The following DNAJC1 variants were observed in gnomAD, a reference collection of about 807,000 sequenced individuals.
The protein encoded by DNAJC1 is DnaJ heat shock protein family (Hsp40) member C1.
DNAJC1 carries 58 observed loss-of-function variants against 76.6 expected under a neutral mutation model. The ratio of observed to expected loss-of-function variants is 0.76; its 90% CI spans 0.61 to 0.94. The LOEUF (loss-of-function observed/expected upper bound fraction) is 0.94. Ranked by LOEUF, DNAJC1 falls within the 40% of genes least tolerant of loss-of-function variation. DNAJC1 has a pLI of 0.00. For synonymous variants in DNAJC1, 258 were observed against 267.9 expected (o/e 0.96, Z 0.36); for missense variants, 689 against 677.3 (o/e 1.02, Z -0.19).
chr10:21,962,500 CTG>C (rs1324991679), intron 1 of DNAJC1, among the ~76,000 whole-genome samples: 10 of 116,730 alleles, frequency 8.6e-5, no homozygotes, highest in Non-Finnish European at 1.6e-4. Flanking sequence ...TTATCTCACT[CTG>C]TCACCCAGGC....
chr10:21,839,290 T>TA (rs1332521447), intron 8 of DNAJC1, among the ~76,000 whole-genome samples: 1 of 151,908 alleles, frequency 6.6e-6, no homozygotes, highest in Non-Finnish European at 1.5e-5. Flanking sequence ...AAAAATCCTT[T>TA]AAAAAATTAA....
At chr10:21,951,512 G>T (rs1017982605) in intron 1 of DNAJC1, among the ~76,000 whole-genome samples, 1 of 150,638 alleles carries the variant, frequency 6.6e-6, no homozygotes, top group South Asian at 2.1e-4. Flanking sequence ...TGCTTTATTC[G>T]TTTTCCCTTA....
At chr10:21,992,514 C>CTGCA (rs1838342774) in intron 1 of DNAJC1, among the ~76,000 whole-genome samples, 2 of 151,852 alleles carry the variant, frequency 1.3e-5, no homozygotes, top group East Asian at 3.9e-4. Flanking sequence ...GATTGTGCCA[C>CTGCA]TGCACTCCAG....
At chr10:21,845,221 G>C (rs905827773) in intron 8 of DNAJC1, among the ~76,000 whole-genome samples, 2 of 151,988 alleles carry the variant, frequency 1.3e-5, no homozygotes, top group African/African-American at 4.8e-5. Flanking sequence ...AAATTTGTTT[G>C]TCTCGTGTGC....
chr10:21,810,412 C>T (rs1466509835), intron 8 of DNAJC1, among the ~76,000 whole-genome samples: 1 of 152,084 alleles, frequency 6.6e-6, no homozygotes, highest in Non-Finnish European at 1.5e-5. Context: ...AGTTATTGAA[C>T]ATAATATAAA....
At chr10:21,946,049 C>CTTTTTTTTTTTTTTTTT in intron 1 of DNAJC1, among the ~76,000 whole-genome samples, 1 of 93,306 alleles carries the variant, frequency 1.1e-5, no homozygotes, top group Non-Finnish European at 1.9e-5. Context: ...TTCTTTTCCT[C>CTTTTTTTTTTTTTTTTT]TTTTTTTTTT....
intron 8 of DNAJC1, among the ~76,000 whole-genome samples, chr10:21,858,008 T>A (rs893233883): frequency 1.3e-5 from 2 of 152,248 alleles, no homozygotes; most frequent in African/African-American, 4.8e-5. Context: ...TGTTGTCTAT[T>A]ATACATATAT....
intron 9 of DNAJC1, among the ~76,000 whole-genome samples, chr10:21,773,762 T>A (rs1430114281): frequency 6.6e-6 from 1 of 152,158 alleles, no homozygotes; most frequent in Non-Finnish European, 1.5e-5. Flanking sequence ...AATTGTTATA[T>A]CTTCCTGAAA....
intron 1 of DNAJC1, among the ~76,000 whole-genome samples, chr10:21,975,485 A>G (rs1439238540): frequency 6.6e-6 from 1 of 152,176 alleles, no homozygotes; most frequent in African/African-American, 2.4e-5. Flanking sequence ...TCCATTCCTC[A>G]TTGGTGGTTC....
chr10:21,857,858 A>AAAAC lies in DNAJC1; in HGVS notation c.978+24420_978+24423dup, dbSNP rs562761551. Among the ~76,000 whole-genome samples the AAAAC allele has an allele frequency of 1.3e-3, 199 of 151,966 alleles. 8 individuals are homozygous for AAAAC. The South Asian group carries it at 0.031, about 24-fold the overall frequency. On this transcript the variant is annotated intron_variant, in intron 8 of 11. Coordinates refer to ENST00000376980, the MANE Select transcript of DNAJC1 (RefSeq NM_022365.4). ...CAACAGAGCAAGGCTCCGTCTCAAA[A>AAAAC]AAACAAACAAACAAACAAAAAAAAA...
chr10:21,879,685 T>C (rs1836241541), intron 8 of DNAJC1, among the ~76,000 whole-genome samples: 2 of 152,210 alleles, frequency 1.3e-5, no homozygotes, highest in Non-Finnish European at 2.9e-5. Flanking sequence ...GCTTAGTTTA[T>C]TAAGTGTGTG....
intron 9 of DNAJC1, among the ~76,000 whole-genome samples, chr10:21,800,683 A>G (rs1366440809): frequency 6.6e-6 from 1 of 152,224 alleles, no homozygotes; most frequent in Non-Finnish European, 1.5e-5. Context: ...GATTAATCCT[A>G]TTAAAATTAT....
intron 8 of DNAJC1, among the ~76,000 whole-genome samples, chr10:21,851,742 T>C (rs1835758511): frequency 6.6e-6 from 1 of 152,028 alleles, no homozygotes; most frequent in South Asian, 2.1e-4. Context: ...CATTTATCAA[T>C]GGATGAATGG....
chr10:21,930,246 A>T (rs1327687506), intron 1 of DNAJC1, among the ~76,000 whole-genome samples: 1 of 152,176 alleles, frequency 6.6e-6, no homozygotes, highest in African/African-American at 2.4e-5. Context: ...AAAGTGTAGG[A>T]TTACAGGTGT....
At chr10:21,841,674 C>T (rs1426384231) in intron 8 of DNAJC1, among the ~76,000 whole-genome samples, 2 of 152,148 alleles carry the variant, frequency 1.3e-5, no homozygotes, top group African/African-American at 4.8e-5. Context: ...ACTAGTTCAA[C>T]CATTGTGGAA....
chr10:21,811,192 G>A (rs1834959950), intron 8 of DNAJC1, among the ~76,000 whole-genome samples: 1 of 152,128 alleles, frequency 6.6e-6, no homozygotes, highest in Non-Finnish European at 1.5e-5. Context: ...ACAGAGCAAG[G>A]CCTTGGTTGT....
intron 8 of DNAJC1, among the ~76,000 whole-genome samples, chr10:21,856,372 G>A (rs1040984685): frequency 2.0e-5 from 3 of 152,074 alleles, no homozygotes; most frequent in Non-Finnish European, 4.4e-5. Flanking sequence ...TATTGTGTAT[G>A]TCTTTGAGGA....
At chr10:21,878,650 G>T (rs1392160220) in intron 8 of DNAJC1, among the ~76,000 whole-genome samples, 1 of 151,974 alleles carries the variant, frequency 6.6e-6, no homozygotes, top group Non-Finnish European at 1.5e-5. Context: ...TACATGGTTT[G>T]AGATTTGAAC....
At chr10:21,838,739 A>C (rs1213646259) in intron 8 of DNAJC1, among the ~76,000 whole-genome samples, 2 of 152,242 alleles carry the variant, frequency 1.3e-5, no homozygotes, top group Non-Finnish European at 2.9e-5. Context: ...TCAGCTCTTC[A>C]ACAAGCAGAC....
Sources: gnomAD v4.1 joint callset for allele counts (sites outside exome capture counted in the v4.1 genomes callset) on GRCh38, gnomAD v4.1.1 for gene constraint, MANE v1.5 for transcripts, NCBI Gene and HGNC (gene_info 2026-07-23, HGNC 2026-07-21) for gene names.